SLC28A1: variants seen among roughly 807,000 people sequenced by gnomAD.
The protein encoded by SLC28A1 is solute carrier family 28 member 1, also known as sodium/nucleoside cotransporter 1.
In SLC28A1, 64 loss-of-function variants were observed where a neutral mutation model predicts 74.8. The observed-to-expected ratio is 0.86, with a 90% CI of 0.70 to 1.05. SLC28A1 has a LOEUF of 1.05. Among genes scored for constraint, SLC28A1 ranks in the 50% least tolerant of loss-of-function variants. The pLI, the probability that SLC28A1 is intolerant of heterozygous loss-of-function variation, is 0.00. For missense variants in SLC28A1, 828 were observed against 822.8 expected, an observed-to-expected ratio of 1.01 and a Z score of -0.08; for synonymous variants, 359 against 335.0, an observed-to-expected ratio of 1.07 and a Z score of -0.78.
chr15:84,970,129 A>G, the SLC28A1 span, among the ~76,000 whole-genome samples: 7 of 152,216 alleles, frequency 4.6e-5, no homozygotes, highest in Non-Finnish European at 8.8e-5. Flanking sequence ...AGTTCTTTCC[A>G]TCTTTCCATT....
At chr15:84,934,390 A>C (rs1234560465) in intron 13 of SLC28A1, among the ~76,000 whole-genome samples, 2 of 152,194 alleles carry the variant, frequency 1.3e-5, no homozygotes, top group African/African-American at 4.8e-5. Context: ...ACACATTGAC[A>C]TGCTGAGTGC....
intron 9 of SLC28A1, among the ~76,000 whole-genome samples, chr15:84,911,920 A>T (rs1183619045): frequency 6.6e-6 from 1 of 152,092 alleles, no homozygotes; most frequent in Non-Finnish European, 1.5e-5. Context: ...GGTGGCAAAA[A>T]ACTTTGAAGT....
At chr15:84,948,496 C>T (rs1196638173), downstream of SLC28A1, among the ~76,000 whole-genome samples, 1 of 152,150 alleles carries the variant, frequency 6.6e-6, no homozygotes, top group African/African-American at 2.4e-5. Flanking sequence ...AATCTGTACT[C>T]TTGCCAATGG....
At chr15:84,947,179 G>A (rs1041889927), downstream of SLC28A1, among the ~76,000 whole-genome samples, 2 of 152,234 alleles carry the variant, frequency 1.3e-5, no homozygotes, top group Admixed American at 1.3e-4. Flanking sequence ...TCCACAGAGT[G>A]GAGGCTTGGC....
chr15:84,970,898 G>A, the SLC28A1 span, among the ~76,000 whole-genome samples: 1 of 152,034 alleles, frequency 6.6e-6, no homozygotes, highest in African/African-American at 2.4e-5. Flanking sequence ...TAAGTCCATG[G>A]CCAGTCTGAG....
In SLC28A1 at chr15:84,905,656, G is replaced by C. The variant is rs374406365; in HGVS notation, c.717+4G>C. On this transcript the variant is annotated splice_donor_region_variant and intron_variant, in intron 8 of 18. Transcript: ENST00000394573. Reference sequence around the variant, plus strand: ...GTGGCTGGGCGAGCAGATCCGGGTAGGTATGTGGGGTCTGGCTGCCCAGAG... The same window carrying C: ...GTGGCTGGGCGAGCAGATCCGGGTACGTATGTGGGGTCTGGCTGCCCAGAG... 2.8e-5 allele frequency: 44 copies of C among 1,597,998 alleles called. No individual in the cohort carries two copies. Among genetic ancestry groups the C allele is most frequent in the Non-Finnish European group, 8.6e-7 (1 of 1,165,562 alleles).
intron 12 of SLC28A1, among the ~76,000 whole-genome samples, chr15:84,926,105 A>AT (rs1364022835): frequency 1.4e-5 from 2 of 147,498 alleles, no homozygotes; most frequent in African/African-American, 2.5e-5. Flanking sequence ...ATCACTTTTA[A>AT]TTTTTTTATT....
chr15:84,892,487 T>G (rs1965471744), intron 5 of SLC28A1, among the ~76,000 whole-genome samples: 1 of 152,200 alleles, frequency 6.6e-6, no homozygotes, highest in South Asian at 2.1e-4. Flanking sequence ...GAAGAACAAT[T>G]GAATTCTCTC....
chr15:84,928,521 T>G, intron 12 of SLC28A1, among the ~76,000 whole-genome samples: 2 of 25,752 alleles, frequency 7.8e-5, no homozygotes, highest in Non-Finnish European at 7.4e-5. Context: ...GCTCCCAGGT[T>G]CGTTCGTTCT....
chr15:84,910,131 A>C (rs539348208), intron 9 of SLC28A1, among the ~76,000 whole-genome samples: 1 of 152,134 alleles, frequency 6.6e-6, no homozygotes, highest in African/African-American at 2.4e-5. Flanking sequence ...CAGCCCTAGG[A>C]GGAAAGGGAG....
chr15:84,886,482 G>A (rs1469886183), intron 1 of SLC28A1, 190 bp from the exon 2 acceptor site: 1 of 985,268 alleles, frequency 1.0e-6, no homozygotes, highest in Non-Finnish European at 1.2e-6. Context: ...GGCAGAGGAG[G>A]GCATCTCTGA....
Position 84,944,684 on chromosome 15 carries a change from G to T in SLC28A1, c.1762+20G>T, listed in dbSNP as rs752270799. On this transcript the variant is annotated intron_variant, in intron 17 of 18. Transcript: ENST00000394573. ...TGGCAGGTGAGTGCAGGCCTGGCAG[G>T]CTCAGAAGGTGGAACCCTGACTTTC... is the stretch of plus-strand genomic sequence containing the variant. The T allele has an allele frequency of 1.9e-6, 3 of 1,608,648 alleles. No individual in the cohort carries two copies. Among genetic ancestry groups the T allele is most frequent in the Non-Finnish European group, 2.6e-6 (3 of 1,175,298 alleles).
intron 9 of SLC28A1, among the ~76,000 whole-genome samples, chr15:84,914,967 AGAAAGTCCCAAT>A (rs1362566418): frequency 2.0e-5 from 3 of 152,108 alleles, no homozygotes; most frequent in Non-Finnish European, 2.9e-5. Flanking sequence ...TGCTGGCAGG[AGAAAGTCCCAAT>A]GCTGCAGTGG....
At position 84,917,039 on chromosome 15, in the gene SLC28A1, AATAAAT is replaced by A. The variant is rs1217206986; in HGVS notation, c.796-1483_796-1478del. Reference sequence around the variant, plus strand: ...TGAGATTCTGTCTCAAAAAAAAAAAAATAAATAAAAAAGGTAGGAACAGATGAGAAA... The same window carrying A: ...TGAGATTCTGTCTCAAAAAAAAAAAAAAAAAAGGTAGGAACAGATGAGAAA... On this transcript the variant is annotated intron_variant, in intron 9 of 18. Transcript: ENST00000394573. Among the ~76,000 whole-genome samples, 6 of 30,140 alleles carry A rather than the reference AATAAAT, an allele frequency of 2.0e-4. 2 individuals carry two copies. Among genetic ancestry groups the A allele is most frequent in the East Asian group, 0.011 (1 of 88 alleles). 19.8% of individuals were successfully genotyped at this position (30,140 alleles called of 152,430 possible). A position where few individuals can be genotyped will look rare whatever the true frequency, so the allele number is the denominator to read the frequency against.
At chr15:84,924,237 A>T in intron 12 of SLC28A1, 127 bp downstream of exon 12, 1 of 1,175,132 alleles carries the variant, frequency 8.5e-7, no homozygotes. Context: ...TGCTGGCAAG[A>T]GGAGTGGCTT....
chr15:84,888,840 G>T lies in SLC28A1; in HGVS notation c.165G>T (p.Ala55=), dbSNP rs375042078. ...TCAGGAGCAGCTGGAGCGAGGCGGC[G>T]CCGAAGCCCTTCTCCAGATGGTAGG... is the stretch of plus-strand genomic sequence containing the variant. ...AEIRSSWSEA[A]PKPFSRWRNL... Residue 55 remains alanine (A), a synonymous_variant, in exon 4 of 19, where the codon GCG becomes GCT. Transcript: ENST00000394573. The T allele has an allele frequency of 9.7e-6, 15 of 1,552,710 alleles. No homozygotes were observed. The highest frequency in any genetic ancestry group is 1.7e-6 in the Non-Finnish European group (2 of 1,147,592).
intron 5 of SLC28A1, among the ~76,000 whole-genome samples, chr15:84,893,728 C>T (rs1233235173): frequency 2.0e-5 from 3 of 152,154 alleles, no homozygotes; most frequent in African/African-American, 2.4e-5. Flanking sequence ...TCAGGCCTCT[C>T]GTGGAGACTA....
chr15:84,919,461 G>C (rs1349230852), intron 10 of SLC28A1, among the ~76,000 whole-genome samples: 2 of 152,176 alleles, frequency 1.3e-5, no homozygotes, highest in Non-Finnish European at 2.9e-5. Context: ...ATAAAGAAAA[G>C]AGATTTATTT....
At chr15:84,894,216 A>C (rs1320357008) in intron 5 of SLC28A1, among the ~76,000 whole-genome samples, 1 of 152,040 alleles carries the variant, frequency 6.6e-6, no homozygotes, top group Admixed American at 6.6e-5. Flanking sequence ...TACCAAAAAT[A>C]CAAAAATTAG....
Sources: gnomAD v4.1 joint callset for allele counts (sites outside exome capture counted in the v4.1 genomes callset) on GRCh38, gnomAD v4.1.1 for gene constraint, MANE v1.5 for transcripts, NCBI Gene and HGNC (gene_info 2026-07-23, HGNC 2026-07-21) for gene names.